Variants in ANKFN1 observed in about 807,000 individuals in gnomAD.
ANKFN1 encodes the protein ankyrin repeat and fibronectin type-III domain-containing protein 1.
In ANKFN1, 74 loss-of-function variants were observed where a neutral mutation model predicts 108.7. The ratio of observed to expected loss-of-function variants is 0.68; its 90% confidence interval spans 0.56 to 0.83. ANKFN1 has a LOEUF of 0.83. Ranked by LOEUF, ANKFN1 falls within the 40% of genes least tolerant of loss-of-function variation. The pLI is 0.00. For synonymous variants in ANKFN1, 547 were observed against 516.2 expected (o/e 1.06, Z -0.81); for missense variants, 1,505 against 1,382.3 (o/e 1.09, Z -1.41).
At chr17:56,362,264 TTA>T (rs1430819278) in intron 6 of ANKFN1, among the ~76,000 whole-genome samples, 1 of 152,232 alleles carries the variant, frequency 6.6e-6, no homozygotes, top group Non-Finnish European at 1.5e-5. Flanking sequence ...TACCCATTAG[TTA>T]TATAGTTTGT....
chr17:56,171,502 T>C (rs1024848487), intron 1 of ANKFN1, among the ~76,000 whole-genome samples: 2 of 152,150 alleles, frequency 1.3e-5, no homozygotes, highest in Non-Finnish European at 2.9e-5. Context: ...AGAAGTTGTG[T>C]TGTTTATCCC....
At position 56,498,984 on chromosome 17, in the gene ANKFN1, GA is replaced by G; in HGVS notation, c.2531del (p.Asp844AlafsTer8). The stretch of plus-strand genomic sequence containing the variant: ...TGGCTTGCCCATCACTAAGCTGATA[GA>G]CCCCTCAGATGAGCAGAGCCTAAAG... Reference protein sequence around the residue: ...VSGLPITKLIDPSDEQSLKKI... With the variant: ...VSGLPITKLIXPSDEQSLKKI... On this transcript the variant is annotated frameshift_variant, in exon 20 of 21. Coordinates refer to ENST00000682825, the MANE Select transcript of ANKFN1 (RefSeq NM_001370326.1). LOFTEE classifies it high-confidence loss of function. The G allele has an allele frequency of 6.5e-7, 1 of 1,535,740 alleles. No homozygotes were observed. Among genetic ancestry groups the G allele is most frequent in the Non-Finnish European group, 8.7e-7 (1 of 1,146,632 alleles).
intron 1 of ANKFN1, among the ~76,000 whole-genome samples, chr17:56,177,210 G>T (rs182117227): frequency 6.6e-6 from 1 of 152,190 alleles, no homozygotes; most frequent in Non-Finnish European, 1.5e-5. Context: ...TTCCCAAGGG[G>T]GTTCCCATCT....
chr17:56,283,936 A>G (rs1295791888), intron 3 of ANKFN1, among the ~76,000 whole-genome samples: 1 of 152,230 alleles, frequency 6.6e-6, no homozygotes, highest in Non-Finnish European at 1.5e-5. Flanking sequence ...CCACAACCCA[A>G]TAACTTTAAA....
chr17:56,255,293 A>G (rs1229117522), intron 3 of ANKFN1, among the ~76,000 whole-genome samples: 1 of 152,208 alleles, frequency 6.6e-6, no homozygotes, highest in Admixed American at 6.5e-5. Context: ...GGATAGAGTC[A>G]GAAGTAAGTC....
chr17:56,122,006 A>AT (rs1906655396), intron 4 of ANKFN1, among the ~76,000 whole-genome samples: 3 of 152,160 alleles, frequency 2.0e-5, no homozygotes. Context: ...GAGGTGCTTT[A>AT]TAACTGACAA....
intron 4 of ANKFN1, among the ~76,000 whole-genome samples, chr17:56,130,114 A>G (rs1907188565): frequency 6.6e-6 from 1 of 152,138 alleles, no homozygotes; most frequent in African/African-American, 2.4e-5. Context: ...ACAAGGCTTT[A>G]TTTTTATATT....
chr17:56,092,313 A>AGGCTGGAG (rs1474597687), intron 4 of ANKFN1, among the ~76,000 whole-genome samples: 4 of 129,680 alleles, frequency 3.1e-5, no homozygotes, highest in Non-Finnish European at 6.3e-5. Context: ...TCTGTCACCC[A>AGGCTGGAG]GGCTGGAGTG....
rs530105730 is a variant in ANKFN1, at chr17:56,176,033, G to T, written c.-71+22503G>T. 2.6e-5 allele frequency among the ~76,000 whole-genome samples: 4 copies of T among 152,004 alleles called. No homozygotes were observed. In the South Asian group the frequency reaches 8.3e-4, roughly 32 times the overall value. On this transcript the variant is annotated intron_variant, in intron 1 of 20. Transcript: ENST00000682825. ...TCTCCTAATTTAAATCTATTTATTT[G>T]ATTTTTGCAGAGTGTGACATGAAGG...
chr17:56,062,304 T>C (rs1438765089), intron 4 of ANKFN1, among the ~76,000 whole-genome samples: 1 of 152,130 alleles, frequency 6.6e-6, no homozygotes, highest in African/African-American at 2.4e-5. Context: ...TTCTCTCTCA[T>C]TGATCTGTCT....
chr17:56,383,100 G>A (rs1475043776), intron 8 of ANKFN1, among the ~76,000 whole-genome samples: 2 of 152,282 alleles, frequency 1.3e-5, no homozygotes, highest in Admixed American at 6.5e-5. Flanking sequence ...ATCAGCAAAT[G>A]TAAAAGAATA....
intron 3 of ANKFN1, among the ~76,000 whole-genome samples, chr17:56,232,490 G>A (rs1192826449): frequency 6.6e-6 from 1 of 152,086 alleles, no homozygotes; most frequent in Admixed American, 6.6e-5. Context: ...ACTTGGTTTT[G>A]AATATGATGC....
chr17:56,120,628 C>T (rs1354106734), intron 4 of ANKFN1, among the ~76,000 whole-genome samples: 1 of 152,106 alleles, frequency 6.6e-6, no homozygotes. Flanking sequence ...AGAAAAATTG[C>T]AATGCCAATT....
chr17:56,374,339 C>A (rs914923222), intron 7 of ANKFN1, among the ~76,000 whole-genome samples: 1 of 152,172 alleles, frequency 6.6e-6, no homozygotes, highest in Non-Finnish European at 1.5e-5. Context: ...AATCTCCTAT[C>A]GTGTTTGCAG....
At chr17:56,481,704 A>G (rs1047937923) in intron 17 of ANKFN1, among the ~76,000 whole-genome samples, 7 of 152,196 alleles carry the variant, frequency 4.6e-5, no homozygotes, top group Admixed American at 2.0e-4. Context: ...AAAACAGCCA[A>G]CGCTAATGAA....
intron 4 of ANKFN1, among the ~76,000 whole-genome samples, chr17:56,338,349 G>GGGTAC (rs2045872557): frequency 6.6e-6 from 1 of 152,016 alleles, no homozygotes; most frequent in East Asian, 1.9e-4. Context: ...AGTACCTAAT[G>GGGTAC]TAAATGATGA....
At chr17:56,118,135 A>G (rs1185125643) in intron 4 of ANKFN1, among the ~76,000 whole-genome samples, 3 of 152,080 alleles carry the variant, frequency 2.0e-5, no homozygotes, top group Non-Finnish European at 4.4e-5. Flanking sequence ...TCATCAGTTG[A>G]TGGACATTTG....
At chr17:56,453,114 C>A (rs2049549164) in intron 11 of ANKFN1, among the ~76,000 whole-genome samples, 1 of 152,022 alleles carries the variant, frequency 6.6e-6, no homozygotes, top group Non-Finnish European at 1.5e-5. Context: ...TTAGTATTTT[C>A]CCCATATCTC....
At chr17:56,361,928 A>G (rs2046533046) in intron 6 of ANKFN1, among the ~76,000 whole-genome samples, 1 of 152,134 alleles carries the variant, frequency 6.6e-6, no homozygotes, top group Non-Finnish European at 1.5e-5. Flanking sequence ...AGCAACAGTG[A>G]CATGTATAAC....
Sources: allele counts gnomAD v4.1 joint callset (sites outside exome capture counted in the v4.1 genomes callset), GRCh38; gene constraint gnomAD v4.1.1; transcripts MANE v1.5; gene names NCBI Gene and HGNC (gene_info 2026-07-23, HGNC 2026-07-21).